FRMD4A: variants seen among roughly 807,000 people sequenced by gnomAD.
FRMD4A encodes FERM domain containing 4A.
FRMD4A carries 29 observed loss-of-function variants against 129.1 expected under a neutral mutation model. That is an observed-to-expected ratio of 0.22 (90% CI 0.17 to 0.31). FRMD4A has a LOEUF of 0.31. FRMD4A is among the 10% of genes least tolerant of loss of function. The pLI, the probability that FRMD4A is intolerant of heterozygous loss-of-function variation, is 1.00. For synonymous variants in FRMD4A, 634 were observed against 571.6 expected, an observed-to-expected ratio of 1.11 and a Z score of -1.56; for missense variants, 1,272 against 1,375.8, an observed-to-expected ratio of 0.92 and a Z score of 1.19.
chr10:13,957,119 T>C (rs2095414064), intron 2 of FRMD4A, among the ~76,000 whole-genome samples: 1 of 152,182 alleles, frequency 6.6e-6, no homozygotes, highest in South Asian at 2.1e-4. Flanking sequence ...GCCCGCCTTC[T>C]AGTGGATGGC....
intron 2 of FRMD4A, chr10:13,890,792 G>C: frequency 1.2e-5 from 12 of 985,366 alleles, no homozygotes; most frequent in Non-Finnish European, 1.4e-5. Context: ...GCACTTCCCG[G>C]GGGGCTGGCA....
intron 2 of FRMD4A, among the ~76,000 whole-genome samples, chr10:14,186,559 C>A (rs898668797): frequency 1.3e-5 from 2 of 152,206 alleles, no homozygotes; most frequent in Admixed American, 1.3e-4. Context: ...AGTCTTGGCA[C>A]ACTGGGCAGT....
intron 7 of FRMD4A, among the ~76,000 whole-genome samples, 179 bp from the exon 8 acceptor site, chr10:13,761,848 A>C (rs996566418): frequency 1.3e-5 from 2 of 152,258 alleles, no homozygotes; most frequent in African/African-American, 4.8e-5. Context: ...TTGCCATTTG[A>C]ATATGAAATA....
At chr10:14,091,579 A>T (rs1287384005) in intron 2 of FRMD4A, among the ~76,000 whole-genome samples, 2 of 152,128 alleles carry the variant, frequency 1.3e-5, no homozygotes, top group Admixed American at 6.5e-5. Flanking sequence ...GACTACAGGC[A>T]TGGGCCACCA....
intron 5 of FRMD4A, among the ~76,000 whole-genome samples, chr10:13,788,686 A>G (rs2092924687): frequency 6.6e-6 from 1 of 152,234 alleles, no homozygotes. Flanking sequence ...TCCACAAGCA[A>G]CAGCCCACCC....
chr10:14,273,291 T>A (rs1300810727), intron 2 of FRMD4A, among the ~76,000 whole-genome samples: 1 of 152,020 alleles, frequency 6.6e-6, no homozygotes, highest in Non-Finnish European at 1.5e-5. Flanking sequence ...TAGGGGGCAA[T>A]GAAATAACCA....
intron 3 of FRMD4A, among the ~76,000 whole-genome samples, chr10:13,847,230 C>A (rs927658813): frequency 1.3e-5 from 2 of 152,118 alleles, no homozygotes; most frequent in South Asian, 4.1e-4. Flanking sequence ...TCACAAAGAC[C>A]TAGTGGGCGG....
intron 2 of FRMD4A, among the ~76,000 whole-genome samples, chr10:14,299,773 A>T (rs892431069): frequency 6.6e-6 from 1 of 152,202 alleles, no homozygotes; most frequent in African/African-American, 2.4e-5. Flanking sequence ...GGAGAGCCAC[A>T]TGAATAATTA....
At chr10:13,696,196 G>T (rs1197877098) in intron 14 of FRMD4A, among the ~76,000 whole-genome samples, 1 of 152,182 alleles carries the variant, frequency 6.6e-6, no homozygotes, top group Non-Finnish European at 1.5e-5. Context: ...TTGGCTTGCC[G>T]CAGAAGGAAG....
intron 2 of FRMD4A, among the ~76,000 whole-genome samples, chr10:14,174,684 C>T (rs1331418965): frequency 6.6e-6 from 1 of 152,166 alleles, no homozygotes; most frequent in Non-Finnish European, 1.5e-5. Context: ...AATCCCACTG[C>T]GTGGAGTACT....
chr10:13,810,345 T>C (rs536079010), intron 4 of FRMD4A, among the ~76,000 whole-genome samples: 7 of 152,224 alleles, frequency 4.6e-5, no homozygotes, highest in Non-Finnish European at 1.0e-4. Flanking sequence ...AGATCAGTGA[T>C]CTGAATTTTT....
At chr10:13,987,750 G>T (rs757214379) in intron 2 of FRMD4A, among the ~76,000 whole-genome samples, 5 of 152,174 alleles carry the variant, frequency 3.3e-5, no homozygotes, top group Non-Finnish European at 7.3e-5. Context: ...GATGCACAAA[G>T]AACACAAATG....
chr10:13,765,101 A>ATTTTTTTTTTTTT (rs10708906), intron 6 of FRMD4A, among the ~76,000 whole-genome samples: 1 of 125,276 alleles, frequency 8.0e-6, no homozygotes, highest in Non-Finnish European at 1.6e-5. Flanking sequence ...TCAAGGATTG[A>ATTTTTTTTTTTTT]TTTTTTTTTT....
In FRMD4A at chr10:13,881,317, GGAGGCT is replaced by G. The variant is rs751891193; in HGVS notation, c.46-22411_46-22406del. Among the ~76,000 whole-genome samples the G allele has an allele frequency of 8.7e-4, 133 of 152,036 alleles. 2 individuals carry two copies. The highest frequency in any genetic ancestry group is 1.6e-3 in the Non-Finnish European group (107 of 67,994). ...GCATGCCTGTAGTTCCAGGTACTGG[GGAGGCT>G]GAGGTGGGAGGATCACTTGAGCCCA... On this transcript the variant is annotated intron_variant, in intron 2 of 24. Coordinates refer to ENST00000357447, the MANE Select transcript of FRMD4A (RefSeq NM_018027.5).
At chr10:13,865,808 TAAAACAA>T (rs2094359837) in intron 2 of FRMD4A, among the ~76,000 whole-genome samples, 1 of 152,088 alleles carries the variant, frequency 6.6e-6, no homozygotes, top group Admixed American at 6.6e-5. Context: ...ATGTGTTTTT[TAAAACAA>T]AAAGTAAAAA....
intron 2 of FRMD4A, among the ~76,000 whole-genome samples, chr10:14,078,303 T>G (rs1249793472): frequency 6.6e-6 from 1 of 152,204 alleles, no homozygotes; most frequent in Admixed American, 6.5e-5. Context: ...TCCTTTGTCT[T>G]CAGGCAAGAT....
At chr10:13,656,110 A>C (rs2082119710) in intron 22 of FRMD4A, among the ~76,000 whole-genome samples, 1 of 151,686 alleles carries the variant, frequency 6.6e-6, no homozygotes, top group African/African-American at 2.4e-5. Flanking sequence ...TGGGAAAGCC[A>C]GGAGCAGCCA....
intron 2 of FRMD4A, chr10:14,008,156 G>A (rs1282236480): frequency 2.3e-6 from 3 of 1,282,122 alleles, no homozygotes; most frequent in Non-Finnish European, 3.1e-6. Context: ...CCACCATGGT[G>A]TACAGCTGTG....
At chr10:14,323,405 G>T (rs995913581) in intron 2 of FRMD4A, among the ~76,000 whole-genome samples, 2 of 152,184 alleles carry the variant, frequency 1.3e-5, no homozygotes, top group Non-Finnish European at 2.9e-5. Flanking sequence ...CAGACGGTGA[G>T]ATTTGTTCAA....
Sources: gnomAD v4.1 joint callset for allele counts (sites outside exome capture counted in the v4.1 genomes callset) on GRCh38, gnomAD v4.1.1 for gene constraint, MANE v1.5 for transcripts, NCBI Gene and HGNC (gene_info 2026-07-23, HGNC 2026-07-21) for gene names.